Variants in XPR1 observed in about 807,000 individuals in gnomAD.
XPR1 encodes the protein solute carrier family 53 member 1.
XPR1 carries 28 observed loss-of-function variants against 87.5 expected under a neutral mutation model. The ratio of observed to expected loss-of-function variants is 0.32; its 90% CI spans 0.24 to 0.44. XPR1 has a LOEUF of 0.44. Ranked by LOEUF, XPR1 falls within the 20% of genes least tolerant of loss-of-function variation. XPR1 has a pLI of 1.00. For synonymous variants in XPR1, 300 were observed against 306.1 expected, an observed-to-expected ratio of 0.98 and a Z score of 0.21; for missense variants, 559 against 862.3, an observed-to-expected ratio of 0.65 and a Z score of 4.41.
intron 11 of XPR1, among the ~76,000 whole-genome samples, chr1:180,840,822 G>A (rs187061496): frequency 8.2e-4 from 124 of 151,850 alleles, no homozygotes; most frequent in Non-Finnish European, 1.5e-3. Flanking sequence ...TAAGCACCTC[G>A]TTCCTTCATT....
intron 7 of XPR1, 77 bp from the exon 8 acceptor site, chr1:180,824,675 GA>G: frequency 7.8e-7 from 1 of 1,281,540 alleles, no homozygotes; most frequent in Non-Finnish European, 1.1e-6. Context: ...CTATATCATT[GA>G]GAATGAAGAC....
At chr1:180,632,476 G>T (rs553710158) in intron 1 of XPR1, among the ~76,000 whole-genome samples, 16 of 152,256 alleles carry the variant, frequency 1.1e-4, no homozygotes, top group African/African-American at 3.6e-4. Flanking sequence ...CCCCGCTGCC[G>T]CCGGGGTAAC....
At chr1:180,640,567 C>T (rs1460076985) in intron 1 of XPR1, among the ~76,000 whole-genome samples, 5 of 152,186 alleles carry the variant, frequency 3.3e-5, no homozygotes, top group Non-Finnish European at 4.4e-5. Flanking sequence ...TCTTAGGCAC[C>T]GCTGACCTTT....
At chr1:180,755,269 A>G (rs1412774260) in intron 2 of XPR1, among the ~76,000 whole-genome samples, 1 of 152,212 alleles carries the variant, frequency 6.6e-6, no homozygotes, top group Non-Finnish European at 1.5e-5. Context: ...AAATATAATT[A>G]GTTCTGCTGT....
At chr1:180,764,498 C>G (rs189056949) in intron 2 of XPR1, among the ~76,000 whole-genome samples, 1 of 151,752 alleles carries the variant, frequency 6.6e-6, no homozygotes, top group African/African-American at 2.4e-5. Flanking sequence ...AGATGGGGGT[C>G]TCACTCTGTC....
intron 3 of XPR1, among the ~76,000 whole-genome samples, chr1:180,791,255 A>G (rs1309826819): frequency 6.6e-6 from 1 of 152,130 alleles, no homozygotes; most frequent in African/African-American, 2.4e-5. Context: ...TACTCTTGGT[A>G]GTAGATACTT....
intron 2 of XPR1, among the ~76,000 whole-genome samples, chr1:180,738,590 C>T (rs1412278368): frequency 6.6e-6 from 1 of 152,156 alleles, no homozygotes; most frequent in Non-Finnish European, 1.5e-5. Flanking sequence ...ATGTAACCAT[C>T]ACAATCTTAA....
intron 2 of XPR1, among the ~76,000 whole-genome samples, chr1:180,694,474 T>C (rs374109496): frequency 3.3e-5 from 5 of 152,258 alleles, no homozygotes; most frequent in East Asian, 3.9e-4. Context: ...GTATAAAATA[T>C]AGTAAAGGAC....
At position 180,739,228 on chromosome 1, in the gene XPR1, T is replaced by C. The variant is rs538280857; in HGVS notation, c.122-48525T>C. Reference sequence around the variant, plus strand: ...TTTCTGGACTGTCTATTCTGTTTCATTAGTTTATATGTCTGTTCCTTTGCC... The same window carrying C: ...TTTCTGGACTGTCTATTCTGTTTCACTAGTTTATATGTCTGTTCCTTTGCC... On this transcript the variant is annotated intron_variant, in intron 2 of 14. Transcript: ENST00000367590. Among the ~76,000 whole-genome samples the C allele has an allele frequency of 2.6e-5, 4 of 152,314 alleles. No homozygotes were observed. In the South Asian group the frequency reaches 8.3e-4, roughly 32 times the overall value.
At chr1:180,722,391 GC>G (rs1557974190) in intron 2 of XPR1, among the ~76,000 whole-genome samples, 1 of 152,068 alleles carries the variant, frequency 6.6e-6, no homozygotes, top group African/African-American at 2.4e-5. Context: ...ACCGCGCCCG[GC>G]CCTTAAAATG....
At chr1:180,833,577 CAA>C (rs1473070836) in intron 9 of XPR1, among the ~76,000 whole-genome samples, 1 of 151,734 alleles carries the variant, frequency 6.6e-6, no homozygotes, top group Non-Finnish European at 1.5e-5. Context: ...CAACAAAGAT[CAA>C]AAGAGACAAG....
chr1:180,689,160 A>C (rs1308613897), intron 2 of XPR1, among the ~76,000 whole-genome samples: 22 of 152,166 alleles, frequency 1.4e-4, no homozygotes, highest in Admixed American at 1.4e-3. Flanking sequence ...AATTTTGCTT[A>C]ACCTTTGTTT....
At chr1:180,859,869 A>G (rs1652162179) in intron 11 of XPR1, among the ~76,000 whole-genome samples, 1 of 152,164 alleles carries the variant, frequency 6.6e-6, no homozygotes, top group Admixed American at 6.5e-5. Context: ...CAAAATTTTA[A>G]AGTTGTGAAT....
Position 180,693,017 on chromosome 1 carries a change from G to A in XPR1, c.121+10606G>A, listed in dbSNP as rs1430943997. 2.6e-5 allele frequency among the ~76,000 whole-genome samples: 4 copies of A among 152,144 alleles called. No homozygotes were observed. The East Asian group carries it at 7.7e-4, about 29-fold the overall frequency. The stretch of plus-strand genomic sequence containing the variant: ...CACACAGTGTCATTTCCTTTTTATT[G>A]TCAAGTTTGAGAGAAGGTAATGAAA... On this transcript the variant is annotated intron_variant, in intron 2 of 14. Coordinates refer to ENST00000367590, the MANE Select transcript of XPR1 (RefSeq NM_004736.4).
intron 11 of XPR1, among the ~76,000 whole-genome samples, chr1:180,842,021 A>G (rs908699606): frequency 6.6e-6 from 1 of 152,200 alleles, no homozygotes; most frequent in Admixed American, 6.5e-5. Context: ...ATTTTCTTGG[A>G]TAATATTCCA....
intron 2 of XPR1, among the ~76,000 whole-genome samples, chr1:180,761,317 A>G (rs1267872251): frequency 6.6e-6 from 1 of 152,060 alleles, no homozygotes; most frequent in Non-Finnish European, 1.5e-5. Flanking sequence ...AGAAACTACC[A>G]TCAGAGTGAA....
chr1:180,760,019 AT>A (rs1363421340), intron 2 of XPR1, among the ~76,000 whole-genome samples: 1 of 152,232 alleles, frequency 6.6e-6, no homozygotes, highest in Non-Finnish European at 1.5e-5. Flanking sequence ...AAATCACATG[AT>A]TATCTCAATA....
chr1:180,839,629 A>G (rs1380136911), intron 11 of XPR1, among the ~76,000 whole-genome samples: 5 of 152,196 alleles, frequency 3.3e-5, no homozygotes, highest in Non-Finnish European at 7.3e-5. Flanking sequence ...GAAATTGACA[A>G]CAGATAGATT....
intron 1 of XPR1, among the ~76,000 whole-genome samples, chr1:180,663,842 G>A (rs1655864325): frequency 6.6e-6 from 1 of 152,160 alleles, no homozygotes; most frequent in Non-Finnish European, 1.5e-5. Context: ...CGGCTGAGCA[G>A]GCGCTGAAAC....
Sources: allele counts gnomAD v4.1 joint callset (sites outside exome capture counted in the v4.1 genomes callset), GRCh38; gene constraint gnomAD v4.1.1; transcripts MANE v1.5; gene names NCBI Gene and HGNC (gene_info 2026-07-23, HGNC 2026-07-21).